ZBTB49: variants seen among roughly 807,000 people sequenced by gnomAD.
The protein encoded by ZBTB49 is zinc finger and BTB domain-containing protein 49.
Under a neutral mutation model 57.5 loss-of-function variants are expected in ZBTB49, and 43 were observed. The observed-to-expected ratio is 0.75, with a 90% CI of 0.59 to 0.97. The LOEUF is 0.97. Among genes scored for constraint, ZBTB49 ranks in the 50% least tolerant of loss-of-function variants. The pLI is 0.00. For synonymous variants in ZBTB49, 369 were observed against 362.1 expected (o/e 1.02, Z -0.22); for missense variants, 938 against 947.7 (o/e 0.99, Z 0.13).
chr4:4,294,915 GTT>G (rs1720121607), intron 1 of ZBTB49, among the ~76,000 whole-genome samples: 1 of 143,176 alleles, frequency 7.0e-6, no homozygotes, highest in Non-Finnish European at 1.5e-5. Flanking sequence ...GTGTGTGTGT[GTT>G]TAATGTCTTT....
At chr4:4,309,681 C>G (rs1577242713) in intron 4 of ZBTB49, among the ~76,000 whole-genome samples, 2 of 152,264 alleles carry the variant, frequency 1.3e-5, no homozygotes, top group Admixed American at 1.3e-4. Flanking sequence ...GCAGGATTAC[C>G]CTATAGGAGG....
intron 5 of ZBTB49, 75 bp from the exon 6 acceptor site, chr4:4,315,561 C>T (rs1475791228): frequency 5.5e-6 from 8 of 1,448,874 alleles, no homozygotes; most frequent in Non-Finnish European, 7.6e-6. Context: ...TATCTCCTCC[C>T]TCAGAGAGTT....
intron 7 of ZBTB49, among the ~76,000 whole-genome samples, chr4:4,318,989 C>T (rs146082085): frequency 4.0e-5 from 6 of 149,214 alleles, no homozygotes; most frequent in Admixed American, 3.4e-4. Context: ...CTCCTGGACA[C>T]AGGCAGTCCT....
At chr4:4,301,134 A>G (rs1458329706) in intron 2 of ZBTB49, among the ~76,000 whole-genome samples, 1 of 152,188 alleles carries the variant, frequency 6.6e-6, no homozygotes, top group African/African-American at 2.4e-5. Flanking sequence ...AAATTTTGAT[A>G]TTGTGATACA....
chr4:4,312,545 G>T (rs1577245013), intron 4 of ZBTB49, among the ~76,000 whole-genome samples: 1 of 152,190 alleles, frequency 6.6e-6, no homozygotes, highest in African/African-American at 2.4e-5. Flanking sequence ...AAAGAACCAA[G>T]TGTACTTGCC....
chr4:4,293,952 C>T (rs1018491295), intron 1 of ZBTB49, among the ~76,000 whole-genome samples: 7 of 152,232 alleles, frequency 4.6e-5, no homozygotes, highest in Admixed American at 2.6e-4. Context: ...ACCTAGACTC[C>T]ACTACCCCAT....
At chr4:4,300,494 G>A (rs191820126) in intron 2 of ZBTB49, among the ~76,000 whole-genome samples, 8 of 152,126 alleles carry the variant, frequency 5.3e-5, no homozygotes, top group Non-Finnish European at 8.8e-5. Flanking sequence ...CATATTTGGT[G>A]TTGGATTTTT....
chr4:4,308,325 G>T (rs2980175), intron 4 of ZBTB49, among the ~76,000 whole-genome samples: 1 of 152,066 alleles, frequency 6.6e-6, no homozygotes, highest in Non-Finnish European at 1.5e-5. Context: ...GATCCACCAG[G>T]CTCAGCCTCC....
At position 4,321,394 on chromosome 4, in the gene ZBTB49, C is replaced by A; in HGVS notation, c.*78C>A. Reference sequence around the variant, plus strand: ...TTAAGGCTGTAGGAGGACCCAGTTTCCCCATGACAGTGCCTTCTAACTAGC... The same window carrying A: ...TTAAGGCTGTAGGAGGACCCAGTTTACCCATGACAGTGCCTTCTAACTAGC... On this transcript the variant is annotated 3_prime_UTR_variant, in exon 8 of 8. Coordinates refer to ENST00000337872, the MANE Select transcript of ZBTB49 (RefSeq NM_145291.4). The A allele has an allele frequency of 6.8e-7, 1 of 1,462,138 alleles. No homozygotes were observed. Among genetic ancestry groups the A allele is most frequent in the Non-Finnish European group, 9.3e-7 (1 of 1,074,728 alleles). The allele number at this position is 1,462,138 out of a possible 1,614,324, so 90.6% of individuals were successfully genotyped here. A position where few individuals can be genotyped will look rare whatever the true frequency, so the allele number is the denominator to read the frequency against.
intron 7 of ZBTB49, among the ~76,000 whole-genome samples, chr4:4,316,615 GACAGCAACTTT>G (rs764392971): frequency 5.3e-5 from 8 of 152,188 alleles, no homozygotes; most frequent in Non-Finnish European, 1.0e-4. Flanking sequence ...AACTATGAGT[GACAGCAACTTT>G]TATGAACTGT....
In ZBTB49 at chr4:4,302,303, T is replaced by C; in HGVS notation, c.467T>C (p.Leu156Ser). 6.2e-7 allele frequency: 1 copy of C among 1,614,146 alleles called. No homozygotes were observed. The highest frequency in any genetic ancestry group is 1.3e-5 in the African/African-American group (1 of 75,056). Residue 156 changes from leucine to serine, a missense_variant, in exon 3 of 8, where the codon TTA (leucine) becomes TCA (serine). Physicochemically the swap from Leu to Ser is moderately radical, Grantham distance 145. Coordinates refer to ENST00000337872, the MANE Select transcript of ZBTB49 (RefSeq NM_145291.4). ...CVISENYPPH[L>S]LQECSADAQQ... ...ATCAGTGAAAACTACCCCCCTCATT[T>C]ACTGCAGGAATGTTCAGCAGATGCA...
chr4:4,293,236 C>T (rs1013827795), intron 1 of ZBTB49, among the ~76,000 whole-genome samples: 4 of 152,176 alleles, frequency 2.6e-5, no homozygotes, highest in African/African-American at 9.7e-5. Context: ...AAAATTTTTA[C>T]TGCTTGTCAC....
chr4:4,294,832 C>T (rs928560235), intron 1 of ZBTB49, among the ~76,000 whole-genome samples: 1 of 149,458 alleles, frequency 6.7e-6, no homozygotes, highest in Non-Finnish European at 1.5e-5. Context: ...TATAATTAGA[C>T]ATTTTTACCT....
chr4:4,300,136 A>C (rs1248866297), intron 2 of ZBTB49, 39 bp downstream of exon 2: 2 of 1,606,518 alleles, frequency 1.2e-6, no homozygotes, highest in Non-Finnish European at 1.7e-6. Context: ...CTGTGAATTA[A>C]GGGTAAAGCT....
rs557436281 is a variant in ZBTB49, at chr4:4,304,773, G to A, written c.1256-1365G>A. ...GTTGTTTTTTCCTCCTCTTATGAGT[G>A]TACAGTTAGTCTGCCCAAAGCTACA... On this transcript the variant is annotated intron_variant, in intron 3 of 7. Coordinates refer to ENST00000337872, the MANE Select transcript of ZBTB49 (RefSeq NM_145291.4). Among the ~76,000 whole-genome samples the A allele has an allele frequency of 5.8e-4, 88 of 152,276 alleles. 1 individual carries two copies. The South Asian group carries it at 0.014, about 24-fold the overall frequency.
intron 1 of ZBTB49, among the ~76,000 whole-genome samples, chr4:4,293,663 A>G (rs4689240): frequency 6.6e-6 from 1 of 152,014 alleles, no homozygotes; most frequent in African/African-American, 2.4e-5. Context: ...CTTCAATTCT[A>G]TGTGGTGTCA....
Position 4,298,707 on chromosome 4 carries a change from G to A in ZBTB49, c.-19-1220G>A, listed in dbSNP as rs7679646. 2.4e-3 allele frequency among the ~76,000 whole-genome samples: 362 copies of A among 152,264 alleles called. 4 individuals carry two copies. The highest frequency in any genetic ancestry group is 8.4e-3 in the African/African-American group (349 of 41,546). On this transcript the variant is annotated intron_variant, in intron 1 of 7. Coordinates refer to ENST00000337872, the MANE Select transcript of ZBTB49 (RefSeq NM_145291.4). ...AACCTCCCAAAGTGTTAGGATTACA[G>A]GTGTGAACCACCACGCCTAGTGCAG... is the stretch of plus-strand genomic sequence containing the variant.
At chr4:4,303,335 C>T (rs955094353) in intron 3 of ZBTB49, among the ~76,000 whole-genome samples, 1 of 152,144 alleles carries the variant, frequency 6.6e-6, no homozygotes, top group African/African-American at 2.4e-5. Context: ...TTTATTTCAA[C>T]TACATTTTTA....
Position 4,290,348 on chromosome 4 carries a change from C to T in ZBTB49, c.-24C>T, listed in dbSNP as rs1477040850. 1 of 152,506 alleles carries T rather than the reference C, an allele frequency of 6.6e-6. No individual in the cohort carries two copies. Among genetic ancestry groups the T allele is most frequent in the African/African-American group, 2.4e-5 (1 of 41,474 alleles). 9.4% of individuals were successfully genotyped at this position (152,506 alleles called of 1,614,324 possible). On this transcript the variant is annotated 5_prime_UTR_variant, in exon 1 of 8. Coordinates refer to ENST00000337872, the MANE Select transcript of ZBTB49 (RefSeq NM_145291.4). ...AGGCGGCGGGGCAGAGAGCGGCCTC[C>T]GAGGGTAAGGTGGCCGGCCTTGCGA...
Sources: gnomAD v4.1 joint callset for allele counts (sites outside exome capture counted in the v4.1 genomes callset) on GRCh38, gnomAD v4.1.1 for gene constraint, MANE v1.5 for transcripts, NCBI Gene and HGNC (gene_info 2026-07-23, HGNC 2026-07-21) for gene names.